The following SORCS3 variants were observed in gnomAD, a reference collection of about 807,000 sequenced individuals.
SORCS3 encodes sortilin related VPS10 domain containing receptor 3, also known as VPS10 domain-containing receptor SorCS3.
Under a neutral mutation model 146.3 loss-of-function variants are expected in SORCS3, and 57 were observed. The ratio of observed to expected loss-of-function variants is 0.39; its 90% CI spans 0.31 to 0.49. The LOEUF is 0.49. SORCS3 is among the 20% of genes least tolerant of loss of function. The pLI is 0.92. For synonymous variants in SORCS3, 653 were observed against 618.5 expected (o/e 1.06, Z -0.83); for missense variants, 1,341 against 1,575.5 (o/e 0.85, Z 2.52).
At chr10:104,994,619 C>T (rs562960671) in intron 4 of SORCS3, among the ~76,000 whole-genome samples, 20 of 152,196 alleles carry the variant, frequency 1.3e-4, no homozygotes, top group Non-Finnish European at 2.9e-4. Context: ...TTTTCATCCC[C>T]TCACCATATT....
At chr10:104,764,766 A>G (rs926830484) in intron 1 of SORCS3, among the ~76,000 whole-genome samples, 5 of 152,164 alleles carry the variant, frequency 3.3e-5, no homozygotes, top group African/African-American at 1.2e-4. Flanking sequence ...TATATTTTTC[A>G]CCTGTTTCCT....
intron 3 of SORCS3, among the ~76,000 whole-genome samples, chr10:104,973,674 G>A (rs2054875874): frequency 6.6e-6 from 1 of 150,982 alleles, no homozygotes; most frequent in African/African-American, 2.5e-5. Context: ...TTTTTGAAGG[G>A]TTTTTCCTGT....
intron 5 of SORCS3, among the ~76,000 whole-genome samples, chr10:105,057,987 A>G (rs1456693275): frequency 6.6e-6 from 1 of 152,198 alleles, no homozygotes; most frequent in Non-Finnish European, 1.5e-5. Context: ...ATGATGGATT[A>G]GGGGCTTGTC....
At chr10:105,235,436 C>CTGTGTGTG (rs5787570) in intron 20 of SORCS3, among the ~76,000 whole-genome samples, 20 of 141,296 alleles carry the variant, frequency 1.4e-4, no homozygotes, top group East Asian at 1.0e-3. Flanking sequence ...AACTCTCAGA[C>CTGTGTGTG]TGTGTGTGTG....
chr10:104,870,656 G>C lies in SORCS3; in HGVS notation c.695+27797G>C, dbSNP rs550256582. On this transcript the variant is annotated intron_variant, in intron 2 of 26. Coordinates refer to ENST00000369701, the MANE Select transcript of SORCS3 (RefSeq NM_014978.3). ...GAGGGTAGACCTCAGGATAACCAGG[G>C]GAGTGGAGGGAAGGAGAAATGGCTC... Among the ~76,000 whole-genome samples, 38 of 152,270 alleles carry C rather than the reference G, an allele frequency of 2.5e-4. 1 individual carries two copies. In the East Asian group the frequency reaches 3.9e-3, roughly 16 times the overall value.
At chr10:105,260,808 T>C (rs887271797) in intron 25 of SORCS3, among the ~76,000 whole-genome samples, 1 of 152,162 alleles carries the variant, frequency 6.6e-6, no homozygotes, top group African/African-American at 2.4e-5. Context: ...AGGATGGGTG[T>C]CCGATGTCCC....
chr10:104,785,408 A>G (rs933999749), intron 1 of SORCS3, among the ~76,000 whole-genome samples: 2 of 140,182 alleles, frequency 1.4e-5, no homozygotes, highest in African/African-American at 5.4e-5. Context: ...GTCATCACCA[A>G]TCCCTAATCT....
intron 7 of SORCS3, among the ~76,000 whole-genome samples, chr10:105,129,333 T>TC (rs768332557): frequency 0.17 from 10,295 of 60,114 alleles, 596 homozygotes; most frequent in Middle Eastern, 0.25. Context: ...TTCTTTCTCT[T>TC]TTTTTTTTTT....
At chr10:104,787,078 G>A (rs1163506415) in intron 1 of SORCS3, among the ~76,000 whole-genome samples, 2 of 152,170 alleles carry the variant, frequency 1.3e-5, no homozygotes, top group African/African-American at 4.8e-5. Flanking sequence ...AAGAATGATG[G>A]CCACTTTGGT....
At chr10:105,060,656 A>C (rs1287742082) in intron 5 of SORCS3, among the ~76,000 whole-genome samples, 4 of 152,152 alleles carry the variant, frequency 2.6e-5, no homozygotes, top group Non-Finnish European at 5.9e-5. Flanking sequence ...AAAGTTAAAA[A>C]GTCTGGGCGC....
rs80113115 is a variant in SORCS3, at chr10:105,151,009, G to A, written c.1482+3213G>A. Among the ~76,000 whole-genome samples, 328 of 152,276 alleles carry A rather than the reference G, an allele frequency of 2.2e-3. 2 individuals carry two copies. Among genetic ancestry groups the A allele is most frequent in the Non-Finnish European group, 4.0e-3 (271 of 68,010 alleles). On this transcript the variant is annotated intron_variant, in intron 9 of 26. Transcript: ENST00000369701. ...TCAGCTAAATTAGCACACTTTTATG[G>A]AGTGTATTTTGTTTGATGATGTTAG...
chr10:104,773,368 C>T (rs1250032327), intron 1 of SORCS3, among the ~76,000 whole-genome samples: 1 of 152,166 alleles, frequency 6.6e-6, no homozygotes, highest in Non-Finnish European at 1.5e-5. Context: ...TATGCTGTTG[C>T]CTAGTGACTT....
At chr10:105,146,844 A>G (rs1007389309) in intron 8 of SORCS3, among the ~76,000 whole-genome samples, 2 of 152,174 alleles carry the variant, frequency 1.3e-5, no homozygotes, top group Non-Finnish European at 2.9e-5. Context: ...ATGGCTTAGA[A>G]TAGTCCCCAA....
At chr10:104,673,601 C>A (rs1193028143) in intron 1 of SORCS3, among the ~76,000 whole-genome samples, 2 of 151,930 alleles carry the variant, frequency 1.3e-5, no homozygotes, top group African/African-American at 2.4e-5. Context: ...GTGCATGCCA[C>A]CATGCCCAGC....
intron 4 of SORCS3, among the ~76,000 whole-genome samples, chr10:105,029,667 C>G (rs1228482422): frequency 6.6e-6 from 1 of 152,172 alleles, no homozygotes; most frequent in Non-Finnish European, 1.5e-5. Flanking sequence ...AGATCTCTGT[C>G]TTAAGGCCAA....
intron 1 of SORCS3, among the ~76,000 whole-genome samples, chr10:104,672,292 T>C (rs2015864662): frequency 6.6e-6 from 1 of 152,180 alleles, no homozygotes; most frequent in Non-Finnish European, 1.5e-5. Flanking sequence ...GTCCTTTTTG[T>C]TTCTGTAGAA....
intron 1 of SORCS3, among the ~76,000 whole-genome samples, chr10:104,724,810 G>A (rs896469691): frequency 6.6e-6 from 1 of 152,142 alleles, no homozygotes; most frequent in East Asian, 1.9e-4. Context: ...TTCTCGTGCT[G>A]TGGTTTTCAG....
intron 4 of SORCS3, among the ~76,000 whole-genome samples, chr10:105,011,314 AG>A (rs1244621362): frequency 1.4e-4 from 21 of 152,188 alleles, no homozygotes; most frequent in Admixed American, 1.2e-3. Context: ...CCTTCACCAA[AG>A]ATTCCTCATG....
chr10:105,064,787 C>T (rs1481295850), intron 5 of SORCS3, among the ~76,000 whole-genome samples: 2 of 149,028 alleles, frequency 1.3e-5, no homozygotes, highest in East Asian at 3.9e-4. Context: ...CTCTCCAGGC[C>T]CCCAGCCCAC....
Sources: gnomAD v4.1 joint callset for allele counts (sites outside exome capture counted in the v4.1 genomes callset) on GRCh38, gnomAD v4.1.1 for gene constraint, MANE v1.5 for transcripts, NCBI Gene and HGNC (gene_info 2026-07-23, HGNC 2026-07-21) for gene names.